Variants in FZD5 observed in about 807,000 individuals in gnomAD.
FZD5 encodes the protein frizzled class receptor 5, also known as frizzled-5.
In FZD5, 12 loss-of-function variants were observed where a neutral mutation model predicts 40.8. The ratio of observed to expected loss-of-function variants is 0.29; its 90% CI spans 0.19 to 0.48. The LOEUF (loss-of-function observed/expected upper bound fraction) is 0.48, where lower values mean the gene tolerates loss of function less well. Among genes scored for constraint, FZD5 ranks in the 20% least tolerant of loss-of-function variants. The probability of loss-of-function intolerance (pLI) is 0.99; values close to 1 mark genes in which losing one functional copy is unlikely to be tolerated. For synonymous variants in FZD5, 380 were observed against 383.7 expected (o/e 0.99, Z 0.11); for missense variants, 622 against 832.8 (o/e 0.75, Z 3.12).
rs1261327432 is a variant in FZD5, at chr2:207,764,197, G to A, written c.*2785C>T. 2 of 152,370 alleles carry A rather than the reference G, an allele frequency of 1.3e-5. No homozygotes were observed. The highest frequency in any genetic ancestry group is 2.9e-5 in the Non-Finnish European group (2 of 68,062). The allele number at this position is 152,370 out of a possible 1,614,324, so 9.4% of individuals were successfully genotyped here. A position where few individuals can be genotyped will look rare whatever the true frequency, so the allele number is the denominator to read the frequency against. On this transcript the variant is annotated 3_prime_UTR_variant, in exon 2 of 2. Coordinates refer to ENST00000295417, the MANE Select transcript of FZD5 (RefSeq NM_003468.4). ...AACTGAAAGGGACAGCCCTGAAGCT[G>A]TACACATAAGAGACTCCAATGGGCC...
At position 207,767,023 on chromosome 2, in the gene FZD5, CG is replaced by C; in HGVS notation, c.1716del (p.Ala573ProfsTer34). The C allele has an allele frequency of 6.8e-7, 1 of 1,478,608 alleles. No individual in the cohort carries two copies. Among genetic ancestry groups the C allele is most frequent in the Non-Finnish European group, 8.9e-7 (1 of 1,124,700 alleles). 91.6% of individuals were successfully genotyped at this position (1,478,608 alleles called of 1,614,324 possible). On this transcript the variant is annotated frameshift_variant, in exon 2 of 2. Coordinates refer to ENST00000295417, the MANE Select transcript of FZD5 (RefSeq NM_003468.4). LOFTEE classifies it high-confidence loss of function. ...GACACCTGCTTGTGGTAGGTGGCGGCGGGGCCCGGCGGCCCGGTCCTGCCTG... is the reference window on the plus strand; with the variant it reads ...GACACCTGCTTGTGGTAGGTGGCGGCGGGCCCGGCGGCCCGGTCCTGCCTG... ...ALTGRTGPPG[P>X]AATYHKQVSL...
At position 207,766,937 on chromosome 2, in the gene FZD5, C is replaced by T. The variant is rs751631220; in HGVS notation, c.*45G>A. On this transcript the variant is annotated 3_prime_UTR_variant, in exon 2 of 2. Transcript: ENST00000295417. ...TTGGCAAAACTACCAAACAAAACGC[C>T]CCCCTCCCCTCAGCTCTCCGGCCGA... 3 of 1,375,562 alleles carry T rather than the reference C, an allele frequency of 2.2e-6. No individual in the cohort carries two copies. In the East Asian group the frequency reaches 8.1e-5, roughly 37 times the overall value. 85.2% of individuals were successfully genotyped at this position (1,375,562 alleles called of 1,614,324 possible). A position where few individuals can be genotyped will look rare whatever the true frequency, so the allele number is the denominator to read the frequency against.
chr2:207,767,054 C>A lies in FZD5; in HGVS notation c.1686G>T (p.Ala562=). The A allele has an allele frequency of 1.3e-6, 2 of 1,527,144 alleles. No individual in the cohort carries two copies. Among genetic ancestry groups the A allele is most frequent in the Non-Finnish European group, 1.7e-6 (2 of 1,147,294 alleles). The allele number at this position is 1,527,144 out of a possible 1,614,324, so 94.6% of individuals were successfully genotyped here. ...CCGGCGGCCCGGTCCTGCCTGTGAG[C>A]GCGGCGCTCGCCTCGGGGTAGTCCC... The part of the protein sequence containing the change: ...AAGDYPEASA[A]LTGRTGPPGP... Residue 562 remains alanine, a synonymous_variant, in exon 2 of 2, where the codon GCG becomes GCT. Transcript: ENST00000295417.
Position 207,764,550 on chromosome 2 carries a change from A to C in FZD5, c.*2432T>G, listed in dbSNP as rs2091970145. On this transcript the variant is annotated 3_prime_UTR_variant, in exon 2 of 2. Coordinates refer to ENST00000295417, the MANE Select transcript of FZD5 (RefSeq NM_003468.4). ...AAGTTGGTCTGGAATTAGACCCCAA[A>C]GATCCTGACTAATATTGCCCCCCAC... 1 of 152,266 alleles carries C rather than the reference A, an allele frequency of 6.6e-6. No homozygotes were observed. The highest frequency in any genetic ancestry group is 1.5e-5 in the Non-Finnish European group (1 of 68,056). 9.4% of individuals were successfully genotyped at this position (152,266 alleles called of 1,614,324 possible).
In FZD5 at chr2:207,768,995, CT is replaced by C. The variant is rs1320661525; in HGVS notation, c.-255-2del. ...GGGCTCGGATTCCAGGGAAAGGACTCTTTAAAAAAGAAGGGGGAGAAGAAAG... is the reference window on the plus strand; with the variant it reads ...GGGCTCGGATTCCAGGGAAAGGACTCTTAAAAAAGAAGGGGGAGAAGAAAG... On this transcript the variant is annotated splice_acceptor_variant, in intron 1 of 1. Transcript: ENST00000295417. LOFTEE classifies it low-confidence loss of function (5UTR_SPLICE). 3.7e-6 allele frequency: 2 copies of C among 533,450 alleles called. No homozygotes were observed. The highest frequency in any genetic ancestry group is 3.6e-5 in the Admixed American group (1 of 27,492). The allele number at this position is 533,450 out of a possible 1,614,324, so 33.0% of individuals were successfully genotyped here.
At position 207,766,901 on chromosome 2, in the gene FZD5, C is replaced by G. The variant is rs1270570773; in HGVS notation, c.*81G>C. The G allele has an allele frequency of 6.0e-6, 7 of 1,161,582 alleles. No individual in the cohort carries two copies. The highest frequency in any genetic ancestry group is 4.8e-5 in the African/African-American group (3 of 62,046). The allele number at this position is 1,161,582 out of a possible 1,614,324, so 72.0% of individuals were successfully genotyped here. A position where few individuals can be genotyped will look rare whatever the true frequency, so the allele number is the denominator to read the frequency against. On this transcript the variant is annotated 3_prime_UTR_variant, in exon 2 of 2. Transcript: ENST00000295417. ...GGGGCAACAGCACCATGAAGGTAAA[C>G]GGAAGTGACCTTGGCAAAACTACCA...
In FZD5 at chr2:207,764,604, G is replaced by A. The variant is rs1369280628; in HGVS notation, c.*2378C>T. On this transcript the variant is annotated 3_prime_UTR_variant, in exon 2 of 2. Coordinates refer to ENST00000295417, the MANE Select transcript of FZD5 (RefSeq NM_003468.4). ...GGCTTAGCGTCCTTTGTTTTAACTG[G>A]CTTATTTTTAAAGTAAATTAGTTGT... 6.6e-6 allele frequency: 1 copy of A among 152,120 alleles called. No individual in the cohort carries two copies. The highest frequency in any genetic ancestry group is 1.5e-5 in the Non-Finnish European group (1 of 68,020). 9.4% of individuals were successfully genotyped at this position (152,120 alleles called of 1,614,324 possible).
chr2:207,766,686 A>G lies in FZD5; in HGVS notation c.*296T>C, dbSNP rs1474281122. 2 of 285,644 alleles carry G rather than the reference A, an allele frequency of 7.0e-6. No individual in the cohort carries two copies. Among genetic ancestry groups the G allele is most frequent in the African/African-American group, 4.4e-5 (2 of 45,884 alleles). 17.7% of individuals were successfully genotyped at this position (285,644 alleles called of 1,614,324 possible). On this transcript the variant is annotated 3_prime_UTR_variant, in exon 2 of 2. Coordinates refer to ENST00000295417, the MANE Select transcript of FZD5 (RefSeq NM_003468.4). ...ATTGTAAAGCCCCCAAAGCAAAGGTAAATTGTTGCCAAAATGCAACAAAGT... is the reference window on the plus strand; with the variant it reads ...ATTGTAAAGCCCCCAAAGCAAAGGTGAATTGTTGCCAAAATGCAACAAAGT...
Position 207,768,129 on chromosome 2 carries a change from T to C in FZD5, c.611A>G (p.His204Arg). 6.2e-7 allele frequency: 1 copy of C among 1,612,536 alleles called. No homozygotes were observed. Among genetic ancestry groups the C allele is most frequent in the Non-Finnish European group, 8.5e-7 (1 of 1,179,846 alleles). ...CGTCCGCACCTTGTTGTAGAGCGGG[T>C]GTGACTCCTTCAGAATGGGCACGAA... ...EPFVPILKESHPLYNKVRTGQ... is the reference protein window; with the variant it reads ...EPFVPILKESRPLYNKVRTGQ... The change falls in exon 2 of 2, where the codon CAC becomes CGC. Residue 204 changes from histidine (H) to arginine (R), a missense_variant. Transcript: ENST00000295417.
In FZD5 at chr2:207,767,272, C is replaced by T; in HGVS notation, c.1468G>A (p.Asp490Asn). The part of the protein sequence containing the change: ...AALTCACPGH[D>N]TGQPRAKPEY... ...GGCTTGGCGCGCGGCTGGCCGGTGT[C>T]GTGGCCCGGGCAGGCGCAGGTGAGC... is the stretch of plus-strand genomic sequence containing the variant. The change falls in exon 2 of 2, where the codon GAC becomes AAC. Residue 490 changes from aspartate to asparagine, a missense_variant. Coordinates refer to ENST00000295417, the MANE Select transcript of FZD5 (RefSeq NM_003468.4). The T allele has an allele frequency of 6.2e-7, 1 of 1,611,046 alleles. No individual in the cohort carries two copies. The highest frequency in any genetic ancestry group is 1.1e-5 in the South Asian group (1 of 90,898).
chr2:207,767,345 C>T lies in FZD5; in HGVS notation c.1395G>A (p.Val465=). ...LLYTVPASIV[V]ACYLYEQHYR... ...AGTGCTGCTCGTACAGGTAGCAGGC[C>T]ACCACAATGCTGGCGGGGACCGTGT... The change falls in exon 2 of 2, where the codon GTG becomes GTA. Residue 465 remains valine, a synonymous_variant. Coordinates refer to ENST00000295417, the MANE Select transcript of FZD5 (RefSeq NM_003468.4). The T allele has an allele frequency of 1.9e-6, 3 of 1,612,404 alleles. No individual in the cohort carries two copies. Among genetic ancestry groups the T allele is most frequent in the Non-Finnish European group, 2.5e-6 (3 of 1,179,878 alleles).
In FZD5 at chr2:207,767,118, G is replaced by T. The variant is rs1220283830; in HGVS notation, c.1622C>A (p.Pro541Gln). Residue 541 changes from proline to glutamine, a missense_variant, in exon 2 of 2, where the codon CCG becomes CAG. By Grantham distance (76) the Pro-to-Gln change is moderately conservative. Coordinates refer to ENST00000295417, the MANE Select transcript of FZD5 (RefSeq NM_003468.4). Reference protein sequence around the residue: ...RRFTSRCCCRPRRGHKSGGAM... With the variant: ...RRFTSRCCCRQRRGHKSGGAM... Reference sequence around the variant, plus strand: ...GCCCCCGCTCTTGTGGCCGCGCCGCGGGCGGCAGCAGCAGCGGCTGGTGAA... The same window carrying T: ...GCCCCCGCTCTTGTGGCCGCGCCGCTGGCGGCAGCAGCAGCGGCTGGTGAA... The T allele has an allele frequency of 1.3e-6, 2 of 1,564,846 alleles. No individual in the cohort carries two copies. The highest frequency in any genetic ancestry group is 8.7e-7 in the Non-Finnish European group (1 of 1,155,598).
In FZD5 at chr2:207,765,855, G is replaced by C. The variant is rs1273081033; in HGVS notation, c.*1127C>G. On this transcript the variant is annotated 3_prime_UTR_variant, in exon 2 of 2. Coordinates refer to ENST00000295417, the MANE Select transcript of FZD5 (RefSeq NM_003468.4). ...TTTCTAATCACAGCTCTCCAGGAGAGGAGGAATAAGAAAAGCAAAAAGGCT... is the reference window on the plus strand; with the variant it reads ...TTTCTAATCACAGCTCTCCAGGAGACGAGGAATAAGAAAAGCAAAAAGGCT... 2 of 151,908 alleles carry C rather than the reference G, an allele frequency of 1.3e-5. No homozygotes were observed. Among genetic ancestry groups the C allele is most frequent in the Non-Finnish European group, 2.9e-5 (2 of 67,922 alleles). 9.4% of individuals were successfully genotyped at this position (151,908 alleles called of 1,614,324 possible).
At position 207,767,874 on chromosome 2, in the gene FZD5, A is replaced by T; in HGVS notation, c.866T>A (p.Leu289Gln). ...LCVSLGFLVR[L>Q]VVGHASVACS... ...GGCCACGCTGGCATGGCCCACGACC[A>T]GACGCACCAGGAAGCCCAGCGACAC... Residue 289 changes from leucine (L) to glutamine (Q), a missense_variant, in exon 2 of 2, where the codon CTG becomes CAG. By Grantham distance (113) the Leu-to-Gln change is moderately radical. Around this residue, in one of 4 missense-constraint regions of FZD5, gnomAD observed 208 missense variants for 348.9 expected, o/e 0.60. Coordinates refer to ENST00000295417, the MANE Select transcript of FZD5 (RefSeq NM_003468.4). 6.3e-7 allele frequency: 1 copy of T among 1,599,228 alleles called. No homozygotes were observed.
chr2:207,766,261 C>A lies in FZD5; in HGVS notation c.*721G>T, dbSNP rs2091979197. 6.6e-6 allele frequency: 1 copy of A among 152,128 alleles called. No homozygotes were observed. Among genetic ancestry groups the A allele is most frequent in the Admixed American group, 6.5e-5 (1 of 15,270 alleles). The allele number at this position is 152,128 out of a possible 1,614,324, so 9.4% of individuals were successfully genotyped here. ...TGCTACCTCTAACTTATTCAAGACA[C>A]AACGATGGTGCTGTTAGGAGTGAGA... is the stretch of plus-strand genomic sequence containing the variant. On this transcript the variant is annotated 3_prime_UTR_variant, in exon 2 of 2. Transcript: ENST00000295417.
chr2:207,764,532 T>G lies in FZD5; in HGVS notation c.*2450A>C, dbSNP rs1398690675. On this transcript the variant is annotated 3_prime_UTR_variant, in exon 2 of 2. Transcript: ENST00000295417. ...ACAAAGAAGTGCTTCTGAAAGTTGG[T>G]CTGGAATTAGACCCCAAAGATCCTG... 6.6e-6 allele frequency: 1 copy of G among 152,224 alleles called. No individual in the cohort carries two copies. Among genetic ancestry groups the G allele is most frequent in the Non-Finnish European group, 1.5e-5 (1 of 68,050 alleles). The allele number at this position is 152,224 out of a possible 1,614,324, so 9.4% of individuals were successfully genotyped here.
chr2:207,768,606 C>A lies in FZD5; in HGVS notation c.134G>T (p.Gly45Val). The A allele has an allele frequency of 6.2e-7, 1 of 1,613,944 alleles. No individual in the cohort carries two copies. Among genetic ancestry groups the A allele is most frequent in the Non-Finnish European group, 8.5e-7 (1 of 1,179,868 alleles). ...EITVPMCRGI[G>V]YNLTHMPNQF... ...GTTGGGCATGTGCGTCAGGTTGTAG[C>A]CGATGCCGCGGCACATGGGCACCGT... The change falls in exon 2 of 2, where the codon GGC (glycine) becomes GTC (valine). Residue 45 changes from glycine (G) to valine (V), a missense_variant. Physicochemically the swap from Gly to Val is moderately radical, Grantham distance 109. Transcript: ENST00000295417.
In FZD5 at chr2:207,767,046, C is replaced by A; in HGVS notation, c.1694G>T (p.Gly565Val). 1 of 1,521,672 alleles carries A rather than the reference C, an allele frequency of 6.6e-7. No individual in the cohort carries two copies. 94.3% of individuals were successfully genotyped at this position (1,521,672 alleles called of 1,614,324 possible). ...DYPEASAALT[G>V]RTGPPGPAAT... ...GGCGGGGCCCGGCGGCCCGGTCCTG[C>A]CTGTGAGCGCGGCGCTCGCCTCGGG... The change falls in exon 2 of 2, where the codon GGC becomes GTC. Residue 565 changes from glycine to valine, a missense_variant. Transcript: ENST00000295417.
rs2092002005 is a variant in FZD5 at position 207,769,742 on chromosome 2, C to G, written c.-733G>C. Among the ~76,000 whole-genome samples the G allele has an allele frequency of 6.6e-6, 1 of 151,982 alleles. No individual in the cohort carries two copies. The highest frequency in any genetic ancestry group is 2.1e-4 in the South Asian group (1 of 4,836). ...CGCTCGCCTCCTCCCCTGCAGGGGG[C>G]TCCGCGCTCCAGTGGACTCCTGGGG... is the stretch of plus-strand genomic sequence containing the variant. On this transcript the variant is annotated 5_prime_UTR_variant, in exon 1 of 2. Transcript: ENST00000295417.
Sources: gnomAD v4.1 joint callset for allele counts (sites outside exome capture counted in the v4.1 genomes callset) on GRCh38, gnomAD v4.1.1 for gene constraint, gnomAD v4.1.1 regional missense constraint, MANE v1.5 for transcripts, NCBI Gene and HGNC (gene_info 2026-07-23, HGNC 2026-07-21) for gene names.